Variants in KMT2C observed in about 807,000 individuals in gnomAD.
KMT2C encodes histone-lysine N-methyltransferase 2C.
A neutral mutation model predicts 507.9 loss-of-function variants in KMT2C; 88 were observed. The observed-to-expected ratio is 0.17, with a 90% CI of 0.15 to 0.21. The LOEUF is 0.21. KMT2C is among the 10% of genes least tolerant of loss of function. KMT2C has a pLI of 1.00. For synonymous variants in KMT2C, 2,049 were observed against 2,080.8 expected (o/e 0.98, Z 0.42); for missense variants, 4,954 against 5,957.8 (o/e 0.83, Z 5.55).
At chr7:152,157,398 T>G (rs1041908154) in intron 44 of KMT2C, among the ~76,000 whole-genome samples, 1 of 152,140 alleles carries the variant, frequency 6.6e-6, no homozygotes, top group Non-Finnish European at 1.5e-5. Context: ...TAGATATACT[T>G]AAAATTGTTT....
At chr7:152,209,153 C>G (rs1451834572) in intron 23 of KMT2C, among the ~76,000 whole-genome samples, 1 of 131,604 alleles carries the variant, frequency 7.6e-6, no homozygotes, top group East Asian at 2.3e-4. Context: ...GAGTGAAATT[C>G]CAACTCTCAA....
chr7:152,375,644 C>G (rs994616119), intron 1 of KMT2C, among the ~76,000 whole-genome samples: 1 of 152,148 alleles, frequency 6.6e-6, no homozygotes, highest in Non-Finnish European at 1.5e-5. Context: ...CCTCAGCCTC[C>G]CAAGTGCTGG....
At chr7:152,413,982 C>A (rs530266698) in intron 1 of KMT2C, among the ~76,000 whole-genome samples, 15 of 151,406 alleles carry the variant, frequency 9.9e-5, no homozygotes, top group Non-Finnish European at 1.6e-4. Context: ...GAGGCCAAGG[C>A]GGGCGGACCA....
rs2089915526 is a variant in KMT2C, at chr7:152,136,863, C to T, written c.14705G>A (p.Gly4902Glu). ...CATCCACTTCCGGCAGTTCACAGCT[C>T]CACAGTGACACGGAATCTTGTGCTG... is the stretch of plus-strand genomic sequence containing the variant. ...DDQHKIPCHC[G>E]AVNCRKWMN is the part of the protein sequence containing the mutation. Residue 4902 changes from glycine to glutamate, a missense_variant, in exon 59 of 59, where the codon GGA becomes GAA. Gly to Glu is a moderately conservative substitution (Grantham distance 98). Transcript: ENST00000262189. 2 of 1,613,434 alleles carry T rather than the reference C, an allele frequency of 1.2e-6. No individual in the cohort carries two copies.
chr7:152,371,877 G>A (rs1217482624), intron 1 of KMT2C, among the ~76,000 whole-genome samples: 2 of 152,034 alleles, frequency 1.3e-5, no homozygotes, highest in Non-Finnish European at 2.9e-5. Flanking sequence ...GCCTCCCTAA[G>A]TGCTGGTATT....
chr7:152,385,329 T>TTTACCTGAACATAGAATATGA (rs1589633476), intron 1 of KMT2C, among the ~76,000 whole-genome samples: 2 of 143,342 alleles, frequency 1.4e-5, no homozygotes, highest in Middle Eastern at 3.4e-3. Flanking sequence ...TTGAGACGTG[T>TTTACCTGAACATAGAATATGA]TGGCCGGGCG....
At chr7:152,398,517 G>C (rs1040250644) in intron 1 of KMT2C, among the ~76,000 whole-genome samples, 4 of 152,088 alleles carry the variant, frequency 2.6e-5, no homozygotes, top group Admixed American at 6.6e-5. Context: ...TGAAATGTGG[G>C]GCAAAACAGG....
chr7:152,239,038 A>T (rs1439363786), intron 14 of KMT2C: 2 of 420,698 alleles, frequency 4.8e-6, no homozygotes, highest in Non-Finnish European at 8.6e-6. Context: ...AATTTACATT[A>T]AATATTTTAT....
At chr7:152,169,291 C>T in intron 40 of KMT2C, 42 bp from the exon 41 acceptor site, 1 of 1,089,100 alleles carries the variant, frequency 9.2e-7, no homozygotes, top group African/African-American at 1.6e-5. Context: ...TTCCACATTT[C>T]AGTTAAAGGG....
chr7:152,173,817 A>C (rs1024449876), intron 39 of KMT2C, among the ~76,000 whole-genome samples: 2 of 152,224 alleles, frequency 1.3e-5, no homozygotes, highest in African/African-American at 4.8e-5. Context: ...GAACAATTCT[A>C]AAGGTATTTA....
intron 1 of KMT2C, among the ~76,000 whole-genome samples, chr7:152,361,862 TAGAG>T (rs1179854469): frequency 6.6e-6 from 1 of 152,152 alleles, no homozygotes; most frequent in Non-Finnish European, 1.5e-5. Flanking sequence ...AACTAATCAT[TAGAG>T]AGATATTAAC....
intron 6 of KMT2C, among the ~76,000 whole-genome samples, chr7:152,274,202 T>C (rs186913826): frequency 2.5e-3 from 383 of 152,278 alleles, no homozygotes; most frequent in African/African-American, 8.7e-3. Context: ...GTTTCTATAT[T>C]GAGGATTATT....
At chr7:152,220,287 G>C in intron 23 of KMT2C, 1 of 511,640 alleles carries the variant, frequency 2.0e-6, no homozygotes, top group Non-Finnish European at 3.5e-6. Context: ...TCAAAGATAT[G>C]GTGCTCCTTG....
intron 42 of KMT2C, among the ~76,000 whole-genome samples, chr7:152,166,630 CA>C (rs2092740036): frequency 6.6e-6 from 1 of 152,072 alleles, no homozygotes; most frequent in African/African-American, 2.4e-5. Context: ...AACAGTACTT[CA>C]CATAAGACAT....
Position 152,435,646 on chromosome 7 carries a change from AG to A in KMT2C, c.140del (p.Pro47LeufsTer58). 6.5e-7 allele frequency: 1 copy of A among 1,535,734 alleles called. No homozygotes were observed. Among genetic ancestry groups the A allele is most frequent in the Non-Finnish European group, 8.8e-7 (1 of 1,139,950 alleles). ...CTTACTTCTTTCTGGCTCTCTGGAA[AG>A]GGGAAGCGCCATCTTTGCGAGGCCG... ...RGRPRKDGASPFQRARKKPRS... is the reference protein window; with the variant it reads ...RGRPRKDGASXFQRARKKPRS... On this transcript the variant is annotated frameshift_variant, in exon 1 of 59. Coordinates refer to ENST00000262189, the MANE Select transcript of KMT2C (RefSeq NM_170606.3). LOFTEE classifies it high-confidence loss of function.
In KMT2C at chr7:152,177,001, C is replaced by G. The variant is rs1251819359; in HGVS notation, c.8452G>C (p.Val2818Leu). The G allele has an allele frequency of 6.2e-7, 1 of 1,613,986 alleles. No individual in the cohort carries two copies. Among genetic ancestry groups the G allele is most frequent in the Non-Finnish European group, 8.5e-7 (1 of 1,179,938 alleles). Residue 2818 changes from valine to leucine, a missense_variant, in exon 38 of 59, where the codon GTT becomes CTT. Transcript: ENST00000262189. ...DKHSPQKKST[V>L]TNEVKTEVLS... ...ACTTCCGTTTTTACCTCATTGGTAACAGTGGATTTTTTCTGTGGTGAATGT... is the reference window on the plus strand; with the variant it reads ...ACTTCCGTTTTTACCTCATTGGTAAGAGTGGATTTTTTCTGTGGTGAATGT...
chr7:152,359,185 T>C (rs1323437736), intron 1 of KMT2C, among the ~76,000 whole-genome samples: 5 of 151,790 alleles, frequency 3.3e-5, no homozygotes, highest in African/African-American at 2.4e-5. Flanking sequence ...ATTATAATCA[T>C]GTCCACCTTA....
chr7:152,383,085 T>C, intron 1 of KMT2C, among the ~76,000 whole-genome samples: 1 of 150,384 alleles, frequency 6.6e-6, no homozygotes, highest in East Asian at 2.0e-4. Context: ...TTCAAATATT[T>C]GTATACATTT....
intron 1 of KMT2C, among the ~76,000 whole-genome samples, chr7:152,391,844 G>C (rs978466316): frequency 6.6e-6 from 1 of 152,120 alleles, no homozygotes; most frequent in Non-Finnish European, 1.5e-5. Flanking sequence ...AGACTTTAAA[G>C]CTCCTCAAAA....
Sources: allele counts gnomAD v4.1 joint callset (sites outside exome capture counted in the v4.1 genomes callset), GRCh38; gene constraint gnomAD v4.1.1; transcripts MANE v1.5; gene names NCBI Gene and HGNC (gene_info 2026-07-23, HGNC 2026-07-21).